The following SLC26A8 variants were observed in gnomAD, a reference collection of about 807,000 sequenced individuals.
SLC26A8 encodes the protein testis anion transporter 1.
SLC26A8 carries 70 observed loss-of-function variants against 105.0 expected under a neutral mutation model. That is an observed-to-expected ratio of 0.67 (90% CI 0.55 to 0.81). SLC26A8 has a LOEUF of 0.81. SLC26A8 is among the 40% of genes least tolerant of loss of function. The probability of loss-of-function intolerance (pLI) is 0.00; values close to 1 mark genes in which losing one functional copy is unlikely to be tolerated. For missense variants in SLC26A8, 998 were observed against 1,181.8 expected (o/e 0.84, Z 2.28); for synonymous variants, 415 against 438.3 (o/e 0.95, Z 0.66).
chr6:35,960,810 A>T, intron 14 of SLC26A8, 33 bp downstream of exon 14: 1 of 1,605,784 alleles, frequency 6.2e-7, no homozygotes, highest in Non-Finnish European at 8.5e-7. Context: ...TCTATCCCTT[A>T]GGCAGAGAAA....
intron 8 of SLC26A8, among the ~76,000 whole-genome samples, chr6:35,978,477 T>C (rs566212375): frequency 6.6e-6 from 1 of 152,282 alleles, no homozygotes; most frequent in Non-Finnish European, 1.5e-5. Context: ...AAAATCTAAG[T>C]GTTTTAGATA....
intron 1 of SLC26A8, chr6:36,024,273 C>T: frequency 3.0e-6 from 1 of 329,558 alleles, no homozygotes; most frequent in South Asian, 2.1e-5. Flanking sequence ...GCAAAACGCA[C>T]ACACTGTTGT....
intron 7 of SLC26A8, chr6:35,989,989 G>A (rs1446996970): frequency 8.4e-6 from 1 of 119,422 alleles, no homozygotes; most frequent in Non-Finnish European, 1.6e-5. Context: ...CCAAGCTGCA[G>A]TGCAGTGGCA....
chr6:35,951,378 T>C, intron 18 of SLC26A8, 31 bp from the exon 19 acceptor site: 1 of 1,614,056 alleles, frequency 6.2e-7, no homozygotes, highest in Non-Finnish European at 8.5e-7. Flanking sequence ...ACACACAATG[T>C]CAGATACTTG....
chr6:35,959,544 C>T lies in SLC26A8; in HGVS notation c.1779G>A (p.Leu593=). ...VPLKEEEIFS[L]FNSSDTNLQG... The stretch of plus-strand genomic sequence containing the variant: ...GTAGATTGGTGTCACTTGAATTAAA[C>T]AAGCTGAAAATTTCTTCTTCTTTAA... The change falls in exon 16 of 20, where the codon TTG becomes TTA. Residue 593 remains leucine (L), a synonymous_variant. Coordinates refer to ENST00000490799, the MANE Select transcript of SLC26A8 (RefSeq NM_052961.4). 6.2e-7 allele frequency: 1 copy of T among 1,613,998 alleles called. No homozygotes were observed. Among genetic ancestry groups the T allele is most frequent in the Non-Finnish European group, 8.5e-7 (1 of 1,179,978 alleles).
In SLC26A8 at chr6:35,951,268, G is replaced by A. The variant is rs369924147; in HGVS notation, c.2367C>T (p.His789=). ...TTGACAAGGCAAACAGCACGGCGTCGTGAACGCTGAGGAACAGCTGGGTCT... is the reference window on the plus strand; with the variant it reads ...TTGACAAGGCAAACAGCACGGCGTCATGAACGCTGAGGAACAGCTGGGTCT... ...ITKTQLFLSV[H]DAVLFALSRK... is the part of the protein sequence containing the mutation. The change falls in exon 19 of 20, where the codon CAC becomes CAT. Residue 789 remains histidine, a synonymous_variant. Coordinates refer to ENST00000490799, the MANE Select transcript of SLC26A8 (RefSeq NM_052961.4). The A allele has an allele frequency of 1.1e-5, 18 of 1,614,068 alleles. No homozygotes were observed. The highest frequency in any genetic ancestry group is 7.7e-5 in the South Asian group (7 of 91,072).
In SLC26A8 at chr6:35,993,146, C is replaced by G. The variant is rs1216928375; in HGVS notation, c.628-472G>C. On this transcript the variant is annotated intron_variant, in intron 5 of 19. Coordinates refer to ENST00000490799, the MANE Select transcript of SLC26A8 (RefSeq NM_052961.4). Reference sequence around the variant, plus strand: ...CCAAATAGCTGGGACTACAGATGCTCACACTGGGCATTTTTTTTTTTTTTT... The same window carrying G: ...CCAAATAGCTGGGACTACAGATGCTGACACTGGGCATTTTTTTTTTTTTTT... Among the ~76,000 whole-genome samples, 11 of 131,666 alleles carry G rather than the reference C, an allele frequency of 8.4e-5. No individual in the cohort carries two copies. In the East Asian group the frequency reaches 2.5e-3, roughly 30 times the overall value. 86.4% of individuals were successfully genotyped at this position (131,666 alleles called of 152,430 possible). A position where few individuals can be genotyped will look rare whatever the true frequency, so the allele number is the denominator to read the frequency against.
At chr6:35,987,911 CTT>C (rs34557500) in intron 7 of SLC26A8, among the ~76,000 whole-genome samples, 2,038 of 132,024 alleles carry the variant, frequency 0.015, 19 homozygotes, top group African/African-American at 0.041. Context: ...ACCTTTCTTT[CTT>C]TTTTTTTTTT....
At chr6:35,977,430 G>C in intron 8 of SLC26A8, 79 bp from the exon 9 acceptor site, 1 of 1,402,350 alleles carries the variant, frequency 7.1e-7, no homozygotes, top group Non-Finnish European at 9.6e-7. Context: ...CTAACACTGG[G>C]CTGTCCTGAT....
chr6:35,981,930 G>C lies in SLC26A8; in HGVS notation c.1025+191C>G, dbSNP rs1460866949. ...GGATGGGTTCAACTATGAGAAGAGA[G>C]ACAGAGGCTGACCAGAGAAGACACA... On this transcript the variant is annotated intron_variant, in intron 8 of 19. Coordinates refer to ENST00000490799, the MANE Select transcript of SLC26A8 (RefSeq NM_052961.4). This position sits in a 1 kb window ranked among gnomAD's most constrained non-coding sequence, Gnocchi z 4.0. 1.3e-5 allele frequency among the ~76,000 whole-genome samples: 2 copies of C among 152,204 alleles called. No homozygotes were observed. Among genetic ancestry groups the C allele is most frequent in the Non-Finnish European group, 2.9e-5 (2 of 68,040 alleles).
At chr6:35,945,520 T>C (rs1473883298) in intron 19 of SLC26A8, among the ~76,000 whole-genome samples, 1 of 152,158 alleles carries the variant, frequency 6.6e-6, no homozygotes, top group Non-Finnish European at 1.5e-5. Flanking sequence ...CACCATAAAG[T>C]TACCCAGAGT....
rs142803660 is a variant in SLC26A8 at position 35,972,323 on chromosome 6, C to T, written c.1287+3052G>A. 3.9e-3 allele frequency among the ~76,000 whole-genome samples: 593 copies of T among 151,622 alleles called. 5 individuals are homozygous for T. Among genetic ancestry groups the T allele is most frequent in the Middle Eastern group, 0.014 (4 of 294 alleles). On this transcript the variant is annotated intron_variant, in intron 10 of 19. Transcript: ENST00000490799. ...GTGGCTCATGCCTGGAATCCTAGCA[C>T]TCTGGGGGGCTGAAGTGAGAAGATC... is the stretch of plus-strand genomic sequence containing the variant.
chr6:35,978,462 A>G (rs978830780), intron 8 of SLC26A8, among the ~76,000 whole-genome samples: 8 of 151,614 alleles, frequency 5.3e-5, no homozygotes, highest in Non-Finnish European at 1.2e-4. Flanking sequence ...TCTAAGTCAG[A>G]AAAAAAAATC....
chr6:35,992,668 T>C lies in SLC26A8; in HGVS notation c.634A>G (p.Met212Val), dbSNP rs753958743. Residue 212 changes from methionine (M) to valine (V), a missense_variant, in exon 6 of 20, where the codon ATG (methionine) becomes GTG (valine). Transcript: ENST00000490799. ...ATGAAGCCCAAACCCAATACGCCCA[T>C]TATTAGCTGCAGAGAAGAGAAAACC... ...TFLTGIIQLI[M>V]GVLGLGFIAT... 6.2e-7 allele frequency: 1 copy of C among 1,607,958 alleles called. No homozygotes were observed. The highest frequency in any genetic ancestry group is 1.1e-5 in the South Asian group (1 of 90,090).
At chr6:35,972,632 G>A (rs964140949) in intron 10 of SLC26A8, among the ~76,000 whole-genome samples, 4 of 152,202 alleles carry the variant, frequency 2.6e-5, no homozygotes, top group African/African-American at 9.7e-5. Flanking sequence ...AGCATTCCTA[G>A]GGACATGCCT....
At position 35,954,892 on chromosome 6, in the gene SLC26A8, C is replaced by T. The variant is rs140468204; in HGVS notation, c.2232+260G>A. 487 of 375,726 alleles carry T rather than the reference C, an allele frequency of 1.3e-3. 5 individuals are homozygous for T. Among genetic ancestry groups the T allele is most frequent in the African/African-American group, 9.3e-3 (450 of 48,232 alleles). 23.3% of individuals were successfully genotyped at this position (375,726 alleles called of 1,614,324 possible). On this transcript the variant is annotated intron_variant, in intron 17 of 19. Transcript: ENST00000490799. Reference sequence around the variant, plus strand: ...CCTGGGAGGTGGAGGTTGCAGTGAGCCAAGATTGTGCCACTGCACTCCAGC... The same window carrying T: ...CCTGGGAGGTGGAGGTTGCAGTGAGTCAAGATTGTGCCACTGCACTCCAGC...
intron 19 of SLC26A8, among the ~76,000 whole-genome samples, chr6:35,948,860 G>A (rs1771764181): frequency 6.6e-6 from 1 of 152,090 alleles, no homozygotes; most frequent in Non-Finnish European, 1.5e-5. Context: ...CTGCCCTTGT[G>A]AATGGATTAG....
Position 35,977,323 on chromosome 6 carries a change from T to C in SLC26A8, c.1054A>G (p.Ser352Gly). The C allele has an allele frequency of 6.2e-7, 1 of 1,613,914 alleles. No homozygotes were observed. Among genetic ancestry groups the C allele is most frequent in the South Asian group, 1.1e-5 (1 of 91,034 alleles). The change falls in exon 9 of 20, where the codon AGC becomes GGC. Residue 352 changes from serine to glycine, a missense_variant. Ser to Gly is a moderately conservative substitution (Grantham distance 56). Coordinates refer to ENST00000490799, the MANE Select transcript of SLC26A8 (RefSeq NM_052961.4). The stretch of plus-strand genomic sequence containing the variant: ...TGTAAAATTATCTTGGGAAGAAGGC[T>C]GAAATCTGGTGTTACAGGAAGCAGA... Reference protein sequence around the residue: ...SFLLPVTPDFSLLPKIILQAF... With the variant: ...SFLLPVTPDFGLLPKIILQAF...
intron 4 of SLC26A8, 43 bp from the exon 5 acceptor site, chr6:35,997,962 AG>A: frequency 8.3e-6 from 13 of 1,571,968 alleles, no homozygotes; most frequent in Non-Finnish European, 1.1e-5. Context: ...TTTCAAGTCC[AG>A]GTAAACTGAT....
Sources: gnomAD v4.1 joint callset for allele counts (sites outside exome capture counted in the v4.1 genomes callset) on GRCh38, gnomAD v4.1.1 for gene constraint, Gnocchi (gnomAD v3.1) non-coding constraint, MANE v1.5 for transcripts, NCBI Gene and HGNC (gene_info 2026-07-23, HGNC 2026-07-21) for gene names.